The following ZNF674 variants were observed in gnomAD, a reference collection of about 807,000 sequenced individuals.
ZNF674 encodes zinc finger family member 674.
In ZNF674, 2 loss-of-function variants were observed where a neutral mutation model predicts 7.0. The ratio of observed to expected loss-of-function variants is 0.29; its 90% CI spans 0.12 to 0.90. The LOEUF (loss-of-function observed/expected upper bound fraction) is 0.90. ZNF674 is among the 40% of genes least tolerant of loss of function. The pLI is 0.57. For synonymous variants in ZNF674, 103 were observed against 145.2 expected, an observed-to-expected ratio of 0.71 and a Z score of 2.09; for missense variants, 297 against 415.5, an observed-to-expected ratio of 0.71 and a Z score of 2.48.
intron 5 of ZNF674, among the ~76,000 whole-genome samples, chrX:46,508,466 AT>A (rs1941582871): frequency 8.9e-6 from 1 of 112,266 alleles, no homozygotes; most frequent in Middle Eastern, 4.6e-3. Context: ...TTCTAAATTA[AT>A]TTTTTAAAGT....
chrX:46,501,057 A>C lies in ZNF674; in HGVS notation c.517T>G (p.Trp173Gly), dbSNP rs1471884011. 14 of 1,206,952 alleles carry C rather than the reference A, an allele frequency of 1.2e-5. No individual in the cohort carries two copies. The East Asian group carries it at 4.2e-4, about 36-fold the overall frequency. Residue 173 changes from tryptophan (W) to glycine (G), a missense_variant, in exon 6 of 6, where the codon TGG becomes GGG. Transcript: ENST00000683375. ...RKKDDGCKAY[W>G]KVCLHYNLHK... Reference sequence around the variant, plus strand: ...AGATTATAATGGAGGCATACTTTCCAATATGCCTTACATCCATCATCTTTC... The same window carrying C: ...AGATTATAATGGAGGCATACTTTCCCATATGCCTTACATCCATCATCTTTC...
At chrX:46,544,752 T>C (rs1048839245) in intron 1 of ZNF674, 141 bp from the exon 2 acceptor site, 2 of 112,254 alleles carry the variant, frequency 1.8e-5, no homozygotes, top group Non-Finnish European at 3.8e-5. Flanking sequence ...TTAACATTCA[T>C]GCACAGCTCA....
chrX:46,523,761 A>T (rs756791629), intron 5 of ZNF674: 19 of 111,850 alleles, frequency 1.7e-4, no homozygotes, highest in African/African-American at 6.2e-4. Context: ...ACAAATTTGT[A>T]GCCGGGTGCA....
At chrX:46,512,636 T>C (rs1225516726) in intron 5 of ZNF674, among the ~76,000 whole-genome samples, 1 of 108,252 alleles carries the variant, frequency 9.2e-6, no homozygotes, top group African/African-American at 3.4e-5. Flanking sequence ...TGGTGGCACA[T>C]GCCTGTAGTC....
At chrX:46,501,534 A>G (rs932905230) in intron 5 of ZNF674, among the ~76,000 whole-genome samples, 199 bp from the exon 6 acceptor site, 6 of 111,291 alleles carry the variant, frequency 5.4e-5, no homozygotes, top group African/African-American at 2.0e-4. Flanking sequence ...ATTTAAAGTG[A>G]GAGAGTAAAC....
At position 46,544,492 on chromosome X, in the gene ZNF674, G is replaced by C. The variant is rs1375868794; in HGVS notation, c.-30+9C>G. ...CACTAGATCTCTGCCTGTGACCCAG[G>C]GAACTCACCTCTTCCTGGGGCCTCA... On this transcript the variant is annotated intron_variant, in intron 2 of 5. Coordinates refer to ENST00000683375, the MANE Select transcript of ZNF674 (RefSeq NM_001190417.2). The C allele has an allele frequency of 8.9e-6, 1 of 112,053 alleles. No homozygotes were observed. The highest frequency in any genetic ancestry group is 1.9e-5 in the Non-Finnish European group (1 of 53,228). 9.2% of individuals were successfully genotyped at this position (112,053 alleles called of 1,213,427 possible). A position where few individuals can be genotyped will look rare whatever the true frequency, so the allele number is the denominator to read the frequency against.
At position 46,500,176 on chromosome X, in the gene ZNF674, G is replaced by A. The variant is rs1199031010; in HGVS notation, c.1398C>T (p.Cys466=). Reference sequence around the variant, plus strand: ...CACTAAAGGCTTTCCCACATTCGTTGCATTTATAGGGTTTCTCTCCTGTAT... The same window carrying A: ...CACTAAAGGCTTTCCCACATTCGTTACATTTATAGGGTTTCTCTCCTGTAT... The part of the protein sequence containing the change: ...RMHTGEKPYK[C]NECGKAFSEK... Residue 466 remains cysteine, a synonymous_variant, in exon 6 of 6, where the codon TGC becomes TGT. Coordinates refer to ENST00000683375, the MANE Select transcript of ZNF674 (RefSeq NM_001190417.2). 10 of 1,208,944 alleles carry A rather than the reference G, an allele frequency of 8.3e-6. No homozygotes were observed. The highest frequency in any genetic ancestry group is 7.0e-5 in the African/African-American group (4 of 56,928).
rs1249619574 is a variant in ZNF674 at position 46,497,967 on chromosome X, TTA to T, written c.*1874_*1875del. On this transcript the variant is annotated 3_prime_UTR_variant, in exon 6 of 6. Coordinates refer to ENST00000683375, the MANE Select transcript of ZNF674 (RefSeq NM_001190417.2). The stretch of plus-strand genomic sequence containing the variant: ...AATTTATACTTAAATAAATACAAAT[TTA>T]TACTTATATGTGCATATAACTTTAC... The T allele has an allele frequency of 1.8e-5, 2 of 111,698 alleles. No homozygotes were observed. Among genetic ancestry groups the T allele is most frequent in the Admixed American group, 9.5e-5 (1 of 10,482 alleles). 9.2% of individuals were successfully genotyped at this position (111,698 alleles called of 1,213,427 possible).
chrX:46,532,424 C>A (rs1224149440), intron 3 of ZNF674, among the ~76,000 whole-genome samples: 3 of 111,630 alleles, frequency 2.7e-5, no homozygotes, highest in Non-Finnish European at 5.6e-5. Flanking sequence ...AAAACATGAG[C>A]AATTCATTGT....
At chrX:46,542,668 C>T (rs1466868853) in intron 2 of ZNF674, among the ~76,000 whole-genome samples, 1 of 111,209 alleles carries the variant, frequency 9.0e-6, no homozygotes, top group Non-Finnish European at 1.9e-5. Context: ...GCCATGATCA[C>T]GTCCCTGCAC....
chrX:46,501,727 A>G (rs1037092783), intron 5 of ZNF674, among the ~76,000 whole-genome samples: 30 of 108,729 alleles, frequency 2.8e-4, no homozygotes, highest in Non-Finnish European at 4.8e-4. Flanking sequence ...GAACCTACCA[A>G]TAACAAGACC....
At chrX:46,505,690 G>C (rs1201653982) in intron 5 of ZNF674, among the ~76,000 whole-genome samples, 2 of 110,620 alleles carry the variant, frequency 1.8e-5, no homozygotes, top group Non-Finnish European at 1.9e-5. Flanking sequence ...AAAACCGCTT[G>C]AACCTGGGAC....
In ZNF674 at chrX:46,528,786, C is replaced by T. The variant is rs764682471; in HGVS notation, c.139G>A (p.Val47Met). The T allele has an allele frequency of 1.7e-6, 2 of 1,211,822 alleles. No individual in the cohort carries two copies. The highest frequency in any genetic ancestry group is 3.0e-5 in the East Asian group (1 of 33,855). Residue 47 changes from valine to methionine, a missense_variant, in exon 4 of 6, where the codon GTG becomes ATG. Coordinates refer to ENST00000683375, the MANE Select transcript of ZNF674 (RefSeq NM_001190417.2). ...MLENYSHLVSVGHLVGKPDVI... is the reference protein window; with the variant it reads ...MLENYSHLVSMGHLVGKPDVI... ...ACCCTGTGGCGCGGTCCCTCACCCA[C>T]GGACACCAGGTGGCTGTAGTTCTCA...
chrX:46,518,021 G>A (rs1941801474), intron 5 of ZNF674, among the ~76,000 whole-genome samples: 1 of 109,104 alleles, frequency 9.2e-6, no homozygotes, highest in Non-Finnish European at 1.9e-5. Context: ...AAAAAAAAAA[G>A]AAGACGAAAT....
At chrX:46,504,842 T>C (rs1003083238) in intron 5 of ZNF674, among the ~76,000 whole-genome samples, 1 of 110,952 alleles carries the variant, frequency 9.0e-6, no homozygotes, top group Non-Finnish European at 1.9e-5. Context: ...CAACTTTATT[T>C]GTAAACCTCT....
chrX:46,509,917 A>G (rs1396012809), intron 5 of ZNF674, among the ~76,000 whole-genome samples: 1 of 111,037 alleles, frequency 9.0e-6, no homozygotes, highest in Non-Finnish European at 1.9e-5. Flanking sequence ...AGACTGGATT[A>G]AGAAAATGTG....
chrX:46,500,205 T>C lies in ZNF674; in HGVS notation c.1369A>G (p.Met457Val). The change falls in exon 6 of 6, where the codon ATG becomes GTG. Residue 457 changes from methionine (M) to valine (V), a missense_variant. Physicochemically the swap from Met to Val is conservative, Grantham distance 21. Coordinates refer to ENST00000683375, the MANE Select transcript of ZNF674 (RefSeq NM_001190417.2). Reference protein sequence around the residue: ...EKSTLIVHQRMHTGEKPYKCN... With the variant: ...EKSTLIVHQRVHTGEKPYKCN... ...TTATAGGGTTTCTCTCCTGTATGCATTCTCTGATGTACAATAAGGGTTGAC... is the reference window on the plus strand; with the variant it reads ...TTATAGGGTTTCTCTCCTGTATGCACTCTCTGATGTACAATAAGGGTTGAC... The C allele has an allele frequency of 1.7e-6, 2 of 1,211,343 alleles. No individual in the cohort carries two copies. The highest frequency in any genetic ancestry group is 2.2e-6 in the Non-Finnish European group (2 of 895,313).
Position 46,500,576 on chromosome X carries a change from C to T in ZNF674, c.998G>A (p.Gly333Asp), listed in dbSNP as rs377460705. 8.3e-7 allele frequency: 1 copy of T among 1,209,607 alleles called. No individual in the cohort carries two copies. Among genetic ancestry groups the T allele is most frequent in the Non-Finnish European group, 1.1e-6 (1 of 894,479 alleles). The change falls in exon 6 of 6, where the codon GGT becomes GAT. Residue 333 changes from glycine (G) to aspartate (D), a missense_variant. Transcript: ENST00000683375. ...KTHIRQAFYK[G>D]IKCTTSSLIY... ...AAGGCTGGACGTAGTACATTTAATA[C>T]CTTTATAAAATGCTTGTCTAATGTG...
chrX:46,526,363 C>T (rs778952766), intron 5 of ZNF674, among the ~76,000 whole-genome samples: 14 of 111,415 alleles, frequency 1.3e-4, no homozygotes, highest in Non-Finnish European at 2.1e-4. Context: ...ACTGCAGCCT[C>T]GTCCTCTCGT....
Sources: gnomAD v4.1 joint callset for allele counts (sites outside exome capture counted in the v4.1 genomes callset) on GRCh38, gnomAD v4.1.1 for gene constraint, MANE v1.5 for transcripts, NCBI Gene and HGNC (gene_info 2026-07-23, HGNC 2026-07-21) for gene names.